The following RGS12 variants were observed in gnomAD, a reference collection of about 807,000 sequenced individuals.
RGS12 encodes the protein regulator of G-protein signaling 12.
A neutral mutation model predicts 120.1 loss-of-function variants in RGS12; 66 were observed. That is an observed-to-expected ratio of 0.55 (90% CI 0.45 to 0.67). The LOEUF is 0.67. Among genes scored for constraint, RGS12 ranks in the 30% least tolerant of loss-of-function variants. The pLI is 0.00. For missense variants in RGS12, 1,859 were observed against 1,957.7 expected (o/e 0.95, Z 0.95); for synonymous variants, 827 against 804.7 (o/e 1.03, Z -0.47).
At chr4:3,423,776 A>G in intron 13 of RGS12, 135 bp downstream of exon 13, 2 of 1,130,076 alleles carry the variant, frequency 1.8e-6, no homozygotes, top group South Asian at 3.2e-5. Context: ...CCCTTGGAGG[A>G]GAGGAGACAG....
chr4:3,355,878 T>C (rs898514122), intron 3 of RGS12, among the ~76,000 whole-genome samples: 5 of 150,976 alleles, frequency 3.3e-5, no homozygotes, highest in African/African-American at 1.2e-4. Context: ...ATGAATTAAT[T>C]CAACAAGGTT....
chr4:3,289,248 G>A (rs1326199448), upstream of RGS12, among the ~76,000 whole-genome samples: 1 of 152,054 alleles, frequency 6.6e-6, no homozygotes. Flanking sequence ...CTGTTGCCCA[G>A]GCTGCAGTGC....
chr4:3,390,381 G>C lies in RGS12; in HGVS notation c.2020+3944G>C, dbSNP rs900354425. Among the ~76,000 whole-genome samples, 1 of 152,208 alleles carries C rather than the reference G, an allele frequency of 6.6e-6. No homozygotes were observed. Among genetic ancestry groups the C allele is most frequent in the Non-Finnish European group, 1.5e-5 (1 of 68,042 alleles). On this transcript the variant is annotated intron_variant, in intron 4 of 17. Coordinates refer to ENST00000336727, the MANE Select transcript of RGS12 (RefSeq NM_001394154.1). This position sits in a 1 kb window ranked among gnomAD's most constrained non-coding sequence, Gnocchi z 4.6. The stretch of plus-strand genomic sequence containing the variant: ...ACCCGGCACAGCGGCTGGCACGAGA[G>C]CTGTCTGTTGAGTGAATGATCGGGT...
chr4:3,386,049 C>T (rs1718814745), intron 3 of RGS12: 1 of 284,098 alleles, frequency 3.5e-6, no homozygotes, highest in South Asian at 5.7e-5. Context: ...GGCACGTGGG[C>T]ACTGAGTGGG....
chr4:3,382,162 A>G (rs1169234260), intron 3 of RGS12, among the ~76,000 whole-genome samples: 1 of 152,176 alleles, frequency 6.6e-6, no homozygotes, highest in Non-Finnish European at 1.5e-5. Flanking sequence ...TTTAAAGAAA[A>G]TTTTACATAT....
intron 4 of RGS12, among the ~76,000 whole-genome samples, chr4:3,393,299 C>T (rs1719692459): frequency 1.3e-5 from 2 of 152,218 alleles, no homozygotes; most frequent in South Asian, 2.1e-4. Flanking sequence ...CAGCTGTTCC[C>T]GCCGCAGCCC....
chr4:3,424,034 C>T (rs529415322), intron 13 of RGS12, among the ~76,000 whole-genome samples: 18 of 152,366 alleles, frequency 1.2e-4, no homozygotes, highest in South Asian at 6.2e-4. Context: ...CCCCAGTGCA[C>T]GGTCACATGG....
At chr4:3,437,887 C>T (rs1017938700) in intron 17 of RGS12, among the ~76,000 whole-genome samples, 3 of 152,152 alleles carry the variant, frequency 2.0e-5, no homozygotes, top group South Asian at 2.1e-4. Flanking sequence ...GCCCGCAGCC[C>T]GGACTTGTTC....
chr4:3,406,471 G>C (rs892214930), intron 4 of RGS12, among the ~76,000 whole-genome samples: 1 of 152,226 alleles, frequency 6.6e-6, no homozygotes, highest in African/African-American at 2.4e-5. Flanking sequence ...TCAGTAGATG[G>C]GGTCAACAAA....
At chr4:3,343,600 CAT>C (rs1713479780) in intron 3 of RGS12, among the ~76,000 whole-genome samples, 1 of 152,114 alleles carries the variant, frequency 6.6e-6, no homozygotes, top group African/African-American at 2.4e-5. Context: ...CCAGTGTAGA[CAT>C]ATGATTATTA....
chr4:3,438,041 G>A (rs566414421), intron 17 of RGS12, among the ~76,000 whole-genome samples: 4 of 152,160 alleles, frequency 2.6e-5, no homozygotes, highest in South Asian at 4.1e-4. Context: ...ACTGTAGATC[G>A]AGGAGGGTCT....
At chr4:3,391,540 C>T (rs756025868) in intron 4 of RGS12, among the ~76,000 whole-genome samples, 1 of 152,248 alleles carries the variant, frequency 6.6e-6, no homozygotes, top group Admixed American at 6.5e-5. Context: ...GCTGCATCCC[C>T]TCCCCAGAGG....
At chr4:3,378,845 G>T (rs1262420685) in intron 3 of RGS12, among the ~76,000 whole-genome samples, 1 of 152,180 alleles carries the variant, frequency 6.6e-6, no homozygotes, top group Non-Finnish European at 1.5e-5. Context: ...CAGCATGGAG[G>T]TTCCTTGAAA....
At chr4:3,427,963 A>G (rs1370628808) in intron 14 of RGS12, 127 bp from the exon 15 acceptor site, 17 of 882,702 alleles carry the variant, frequency 1.9e-5, no homozygotes, top group Non-Finnish European at 3.0e-5. Context: ...TGCGTGGTGA[A>G]TAAGGGCAGC....
chr4:3,314,847 G>A (rs1724633419), intron 1 of RGS12: 1 of 152,234 alleles, frequency 6.6e-6, no homozygotes, highest in Admixed American at 6.5e-5. Flanking sequence ...ACCATCCTGA[G>A]AGGCCTGTGT....
At chr4:3,424,563 C>G (rs1207796233) in intron 13 of RGS12, among the ~76,000 whole-genome samples, 1 of 152,202 alleles carries the variant, frequency 6.6e-6, no homozygotes, top group Admixed American at 6.5e-5. Flanking sequence ...GTTTCCCTGA[C>G]TGTAAAATGG....
At chr4:3,308,876 T>C (rs866543858) in intron 1 of RGS12, among the ~76,000 whole-genome samples, 1 of 152,256 alleles carries the variant, frequency 6.6e-6, no homozygotes, top group African/African-American at 2.4e-5. Flanking sequence ...AGGCCCTTTG[T>C]TGAAGGCTGA....
rs777283306 is a variant in RGS12 at position 3,425,545 on chromosome 4, C to T, written c.3316C>T (p.Pro1106Ser). 2.5e-6 allele frequency: 4 copies of T among 1,609,880 alleles called. No homozygotes were observed. The highest frequency in any genetic ancestry group is 3.4e-6 in the Non-Finnish European group (4 of 1,179,170). The change falls in exon 14 of 18, where the codon CCT becomes TCT. Residue 1106 changes from proline to serine, a missense_variant. Around this residue, in one of 3 missense-constraint regions of RGS12, gnomAD observed 517 missense variants for 488.5 expected, o/e 1.06. Transcript: ENST00000336727. ...GCGGGTTGTCTTGGAGGAGAAGGAT[C>T]CTTCCAGAGGAAAGGGTGAGTAGGG... ...GQRVVLEEKDPSRGKASADKQ... is the reference protein window; with the variant it reads ...GQRVVLEEKDSSRGKASADKQ...
chr4:3,356,039 T>C (rs868515144), intron 3 of RGS12, among the ~76,000 whole-genome samples: 2 of 146,544 alleles, frequency 1.4e-5, no homozygotes, highest in African/African-American at 5.2e-5. Context: ...GGGCAGAGAT[T>C]ATCTTTTTCA....
Sources: gnomAD v4.1 joint callset for allele counts (sites outside exome capture counted in the v4.1 genomes callset) on GRCh38, gnomAD v4.1.1 for gene constraint, gnomAD v4.1.1 regional missense constraint, Gnocchi (gnomAD v3.1) non-coding constraint, MANE v1.5 for transcripts, NCBI Gene and HGNC (gene_info 2026-07-23, HGNC 2026-07-21) for gene names.